The following DNAH5 variants were observed in gnomAD, a reference collection of about 807,000 sequenced individuals.
DNAH5 encodes dynein axonemal heavy chain 5, also known as axonemal beta dynein heavy chain 5.
DNAH5 carries 372 observed loss-of-function variants against 518.2 expected under a neutral mutation model. The observed-to-expected ratio is 0.72, with a 90% CI of 0.66 to 0.78. The LOEUF (loss-of-function observed/expected upper bound fraction) is 0.78, where lower values mean the gene tolerates loss of function less well. Among genes scored for constraint, DNAH5 ranks in the 30% least tolerant of loss-of-function variants. The pLI is 0.00. For synonymous variants in DNAH5, 2,039 were observed against 2,025.9 expected, an observed-to-expected ratio of 1.01 and a Z score of -0.17; for missense variants, 5,523 against 5,687.0, an observed-to-expected ratio of 0.97 and a Z score of 0.93.
rs768597241 is a variant in DNAH5, at chr5:13,762,824, G to A, written c.10179C>T (p.Ile3393=). 1.2e-5 allele frequency: 19 copies of A among 1,613,840 alleles called. No homozygotes were observed. Among genetic ancestry groups the A allele is most frequent in the African/African-American group, 2.7e-5 (2 of 74,914 alleles). ...SPYFEMPDYN[I]ETAKRVCGNV... ...TTCCACATACGCGTTTAGCAGTTTC[G>A]ATGTTATAGTCAGGCATTTCAAAGT... Residue 3393 remains isoleucine, a synonymous_variant, in exon 60 of 79, where the codon ATC becomes ATT. Coordinates refer to ENST00000265104, the MANE Select transcript of DNAH5 (RefSeq NM_001369.3).
At chr5:13,770,386 T>G (rs1275356243) in intron 56 of DNAH5, among the ~76,000 whole-genome samples, 1 of 152,190 alleles carries the variant, frequency 6.6e-6, no homozygotes, top group Admixed American at 6.5e-5. Context: ...CCAGGTCTAT[T>G]ATTTCTATCC....
chr5:13,807,818 A>G (rs1229115643), intron 46 of DNAH5, 93 bp from the exon 47 acceptor site: 2 of 1,023,902 alleles, frequency 2.0e-6, no homozygotes, highest in Non-Finnish European at 2.9e-6. Flanking sequence ...TGAATCTTCA[A>G]CCCCTAGTAC....
At chr5:13,727,717 C>T in intron 69 of DNAH5, 61 bp from the exon 70 acceptor site, 1 of 1,586,522 alleles carries the variant, frequency 6.3e-7, no homozygotes, top group Non-Finnish European at 8.7e-7. Flanking sequence ...AGTAACAGGT[C>T]ATAGATATGT....
chr5:13,895,497 A>G lies in DNAH5; in HGVS notation c.2260-676T>C, dbSNP rs185806939. 3.3e-5 allele frequency among the ~76,000 whole-genome samples: 5 copies of G among 152,300 alleles called. No homozygotes were observed. The East Asian group carries it at 9.7e-4, about 29-fold the overall frequency. The stretch of plus-strand genomic sequence containing the variant: ...GTTCCTCTTTGTACACTGATACGAC[A>G]TGCGTGCTGCTCCTCTGGGGACCTC... On this transcript the variant is annotated intron_variant, in intron 15 of 78. Transcript: ENST00000265104.
chr5:13,735,890 A>G lies in DNAH5; in HGVS notation c.11498T>C (p.Met3833Thr). ...GSILYFLITE[M>T]RLVNEMYQTS... is the part of the protein sequence containing the mutation. ...CTGATACATCTCATTAACCAAGCGCATCTCAGTAATGAGGAAGTAGAGGAT... is the reference window on the plus strand; with the variant it reads ...CTGATACATCTCATTAACCAAGCGCGTCTCAGTAATGAGGAAGTAGAGGAT... Residue 3833 changes from methionine to threonine, a missense_variant, in exon 67 of 79, where the codon ATG becomes ACG. Physicochemically the swap from Met to Thr is moderately conservative, Grantham distance 81. Coordinates refer to ENST00000265104, the MANE Select transcript of DNAH5 (RefSeq NM_001369.3). 1 of 1,614,172 alleles carries G rather than the reference A, an allele frequency of 6.2e-7. No homozygotes were observed. The highest frequency in any genetic ancestry group is 1.3e-5 in the African/African-American group (1 of 75,052).
At chr5:13,830,893 T>A in intron 35 of DNAH5, 118 bp from the exon 36 acceptor site, 1 of 940,150 alleles carries the variant, frequency 1.1e-6, no homozygotes, top group African/African-American at 1.6e-5. Context: ...TGTCCCTACC[T>A]AACATTTCGA....
chr5:13,833,158 A>AT (rs1763916916), intron 35 of DNAH5, among the ~76,000 whole-genome samples: 1 of 89,662 alleles, frequency 1.1e-5, no homozygotes, highest in Non-Finnish European at 2.2e-5. Flanking sequence ...GTGTTAACAT[A>AT]GGCCAAGCAC....
At chr5:13,852,358 G>C (rs2151887009) in intron 30 of DNAH5, among the ~76,000 whole-genome samples, 1 of 152,190 alleles carries the variant, frequency 6.6e-6, no homozygotes, top group African/African-American at 2.4e-5. Flanking sequence ...GTAGAGATGG[G>C]GTTTCTCCAT....
rs1747608732 is a variant in DNAH5 at position 13,737,157 on chromosome 5, T to C, written c.11455+95A>G. On this transcript the variant is annotated intron_variant, in intron 66 of 78. Transcript: ENST00000265104. ...AAAACACCTCCACTTTGCATAATCA[T>C]TTGTATAACTCCCTCACATCCTTCC... 7 of 1,570,514 alleles carry C rather than the reference T, an allele frequency of 4.5e-6. No individual in the cohort carries two copies. The Admixed American group carries it at 8.4e-5, about 19-fold the overall frequency.
At chr5:13,989,383 A>G (rs1783330171) in intron 1 of DNAH5, among the ~76,000 whole-genome samples, 1 of 151,946 alleles carries the variant, frequency 6.6e-6, no homozygotes, top group African/African-American at 2.4e-5. Context: ...ATGTTGTAAA[A>G]TGAAAAAAAA....
At chr5:13,805,486 G>C (rs1222945137) in intron 47 of DNAH5, among the ~76,000 whole-genome samples, 1 of 151,996 alleles carries the variant, frequency 6.6e-6, no homozygotes, top group Non-Finnish European at 1.5e-5. Context: ...GACAGAGCGA[G>C]GCTCCGTTTC....
rs1338338371 is a variant in DNAH5 at position 13,885,155 on chromosome 5, C to T, written c.2817G>A (p.Thr939=). 12 of 1,614,008 alleles carry T rather than the reference C, an allele frequency of 7.4e-6. No individual in the cohort carries two copies. Among genetic ancestry groups the T allele is most frequent in the Admixed American group, 3.3e-5 (2 of 60,000 alleles). Reference sequence around the variant, plus strand: ...TTTCTTTCTTTTTCCTCGTGACTGTCGTCAAAAGCAGGGCATTGGCCCTGG... The same window carrying T: ...TTTCTTTCTTTTTCCTCGTGACTGTTGTCAAAAGCAGGGCATTGGCCCTGG... ...INARANALLL[T]TVTRKKKETE... Residue 939 remains threonine, a synonymous_variant, in exon 19 of 79, where the codon ACG becomes ACA. Coordinates refer to ENST00000265104, the MANE Select transcript of DNAH5 (RefSeq NM_001369.3).
intron 78 of DNAH5, among the ~76,000 whole-genome samples, chr5:13,696,050 C>A (rs757115339): frequency 6.6e-6 from 1 of 152,104 alleles, no homozygotes; most frequent in Admixed American, 6.6e-5. Flanking sequence ...ATACGGCTAT[C>A]CCCACCCCAG....
chr5:13,966,219 GTA>G (rs1217698942), intron 1 of DNAH5, among the ~76,000 whole-genome samples: 1 of 133,672 alleles, frequency 7.5e-6, no homozygotes, highest in Admixed American at 7.6e-5. Context: ...GTGTATGTGT[GTA>G]TGTGTGTATA....
At chr5:13,835,449 G>A (rs1443594382) in intron 35 of DNAH5, among the ~76,000 whole-genome samples, 2 of 152,160 alleles carry the variant, frequency 1.3e-5, no homozygotes, top group Non-Finnish European at 2.9e-5. Flanking sequence ...ATATGCAAAT[G>A]CTGGTGATTA....
chr5:13,946,635 A>G (rs1446462716), upstream of DNAH5, among the ~76,000 whole-genome samples: 1 of 152,208 alleles, frequency 6.6e-6, no homozygotes, highest in Non-Finnish European at 1.5e-5. Flanking sequence ...GGCTCTATAT[A>G]TAGGACTCAC....
At chr5:13,952,690 C>A (rs1780506681) in intron 1 of DNAH5, among the ~76,000 whole-genome samples, 3 of 152,196 alleles carry the variant, frequency 2.0e-5, no homozygotes, top group Non-Finnish European at 2.9e-5. Context: ...CCAACAATTA[C>A]AAATTGTATT....
chr5:13,902,359 C>A (rs1774745266), intron 12 of DNAH5, among the ~76,000 whole-genome samples: 1 of 152,150 alleles, frequency 6.6e-6, no homozygotes, highest in African/African-American at 2.4e-5. Flanking sequence ...CGTCAGGTTC[C>A]ACGGGTACTG....
At position 13,727,566 on chromosome 5, in the gene DNAH5, C is replaced by A. The variant is rs143251480; in HGVS notation, c.11974G>T (p.Asp3992Tyr). Residue 3992 changes from aspartate to tyrosine, a missense_variant, in exon 70 of 79, where the codon GAC becomes TAC. Coordinates refer to ENST00000265104, the MANE Select transcript of DNAH5 (RefSeq NM_001369.3). ...ATAAGGAGAAGACGTCTGAAGCAGT[C>A]AAGAGATTTATCATAGGCATTTGGA... is the stretch of plus-strand genomic sequence containing the variant. ...PLPNAYDKSL[D>Y]CFRRLLLIRS... The A allele has an allele frequency of 6.2e-7, 1 of 1,613,898 alleles. No homozygotes were observed. Among genetic ancestry groups the A allele is most frequent in the Admixed American group, 1.7e-5 (1 of 60,024 alleles).
Sources: gnomAD v4.1 joint callset for allele counts (sites outside exome capture counted in the v4.1 genomes callset) on GRCh38, gnomAD v4.1.1 for gene constraint, MANE v1.5 for transcripts, NCBI Gene and HGNC (gene_info 2026-07-23, HGNC 2026-07-21) for gene names.